PRUNE2: variants seen among roughly 807,000 people sequenced by gnomAD.
The protein encoded by PRUNE2 is protein prune homolog 2.
A neutral mutation model predicts 252.0 loss-of-function variants in PRUNE2; 164 were observed. The observed-to-expected ratio is 0.65, with a 90% CI of 0.57 to 0.74. PRUNE2 has a LOEUF of 0.74. Ranked by LOEUF, PRUNE2 falls within the 30% of genes least tolerant of loss-of-function variation. The pLI is 0.00. For missense variants in PRUNE2, 3,495 were observed against 3,711.0 expected (o/e 0.94, Z 1.51); for synonymous variants, 1,292 against 1,350.2 (o/e 0.96, Z 0.94).
chr9:76,794,697 C>T (rs2055911927), intron 6 of PRUNE2, among the ~76,000 whole-genome samples: 1 of 151,598 alleles, frequency 6.6e-6, no homozygotes, highest in Non-Finnish European at 1.5e-5. Context: ...GGAAAGAAAG[C>T]TTAGTTTCTT....
intron 18 of PRUNE2, among the ~76,000 whole-genome samples, chr9:76,617,498 C>G (rs1830267989): frequency 6.7e-6 from 1 of 149,670 alleles, no homozygotes; most frequent in South Asian, 2.1e-4. Flanking sequence ...GCCAGAAATC[C>G]AGGACTGGAA....
At chr9:76,774,848 G>T (rs555204135) in intron 6 of PRUNE2, among the ~76,000 whole-genome samples, 15 of 152,294 alleles carry the variant, frequency 9.8e-5, no homozygotes, top group South Asian at 2.1e-4. Flanking sequence ...GTAGTGAAAA[G>T]ATTGTAGATT....
intron 6 of PRUNE2, among the ~76,000 whole-genome samples, chr9:76,794,708 C>T (rs1455394748): frequency 6.6e-6 from 1 of 151,964 alleles, no homozygotes; most frequent in Non-Finnish European, 1.5e-5. Context: ...TTAGTTTCTT[C>T]ACCATTTAGT....
At chr9:76,652,762 G>A in intron 10 of PRUNE2, 79 bp from the exon 11 acceptor site, 1 of 1,030,982 alleles carries the variant, frequency 9.7e-7, no homozygotes, top group Non-Finnish European at 1.5e-6. Flanking sequence ...AATCCCAAAT[G>A]CTCCAAAATC....
intron 7 of PRUNE2, among the ~76,000 whole-genome samples, chr9:76,712,039 T>G (rs866543559): frequency 1.3e-5 from 2 of 152,156 alleles, no homozygotes; most frequent in Non-Finnish European, 2.9e-5. Flanking sequence ...TATTTTGTTG[T>G]GCTGGGCCTT....
chr9:76,644,940 A>T, intron 11 of PRUNE2, 31 bp from the exon 12 acceptor site: 1 of 1,599,164 alleles, frequency 6.3e-7, no homozygotes, highest in South Asian at 1.1e-5. Flanking sequence ...AGCAAGGCTG[A>T]AGGAGCAAGA....
In PRUNE2 at chr9:76,614,466, A is replaced by T; in HGVS notation, c.*104T>A. On this transcript the variant is annotated 3_prime_UTR_variant, in exon 19 of 19. Transcript: ENST00000376718. ...TTAGAAATTTAGAATGGCACCAGGT[A>T]GTGCAAAGTGGAAAAAGGTAACATC... 2 of 871,806 alleles carry T rather than the reference A, an allele frequency of 2.3e-6. No individual in the cohort carries two copies. Among genetic ancestry groups the T allele is most frequent in the Non-Finnish European group, 3.8e-6 (2 of 524,352 alleles). 54.0% of individuals were successfully genotyped at this position (871,806 alleles called of 1,614,324 possible). A position where few individuals can be genotyped will look rare whatever the true frequency, so the allele number is the denominator to read the frequency against.
chr9:76,830,161 AT>A (rs2058586549), intron 4 of PRUNE2, among the ~76,000 whole-genome samples: 1 of 152,230 alleles, frequency 6.6e-6, no homozygotes. Flanking sequence ...GAAAACAACC[AT>A]ACTGAAGCAT....
In PRUNE2 at chr9:76,709,420, A is replaced by T. The variant is rs2046550052; in HGVS notation, c.2854T>A (p.Ser952Thr). 2.5e-6 allele frequency: 4 copies of T among 1,613,860 alleles called. No individual in the cohort carries two copies. Among genetic ancestry groups the T allele is most frequent in the Non-Finnish European group, 3.4e-6 (4 of 1,179,878 alleles). The change falls in exon 8 of 19, where the codon TCC (serine) becomes ACC (threonine). Residue 952 changes from serine to threonine, a missense_variant. Coordinates refer to ENST00000376718, the MANE Select transcript of PRUNE2 (RefSeq NM_015225.3). ...GGCACCGAATCTTCTCCTAGGTTGG[A>T]TGCACTGTAATCAGAACATTTGTAA... The part of the protein sequence containing the change: ...LSYKCSDYSA[S>T]NLGEDSVPSP...
At chr9:76,835,492 C>T (rs2058909001) in intron 4 of PRUNE2, among the ~76,000 whole-genome samples, 1 of 152,086 alleles carries the variant, frequency 6.6e-6, no homozygotes, top group Non-Finnish European at 1.5e-5. Flanking sequence ...CTACTATTTT[C>T]ATAACTTTAA....
At chr9:76,777,733 A>G (rs2053953254) in intron 6 of PRUNE2, among the ~76,000 whole-genome samples, 1 of 152,224 alleles carries the variant, frequency 6.6e-6, no homozygotes, top group African/African-American at 2.4e-5. Context: ...AAAATCAAAC[A>G]GGATAAGGTG....
At chr9:76,874,852 G>A (rs1446793636) in intron 1 of PRUNE2, among the ~76,000 whole-genome samples, 1 of 152,198 alleles carries the variant, frequency 6.6e-6, no homozygotes, top group East Asian at 1.9e-4. Flanking sequence ...AAAGTGGGCT[G>A]AGGTAGTGCT....
chr9:76,806,982 C>G (rs2056989394), intron 6 of PRUNE2, among the ~76,000 whole-genome samples: 1 of 151,452 alleles, frequency 6.6e-6, no homozygotes, highest in Non-Finnish European at 1.5e-5. Flanking sequence ...AGACTCCAAC[C>G]CAAGTAGATT....
At chr9:76,826,883 C>T (rs1050301119) in intron 4 of PRUNE2, 151 bp from the exon 5 acceptor site, 2 of 580,038 alleles carry the variant, frequency 3.4e-6, no homozygotes. Context: ...ATTCAAGAGC[C>T]AATTTTTAGA....
intron 9 of PRUNE2, among the ~76,000 whole-genome samples, chr9:76,684,719 G>T (rs931464084): frequency 6.6e-6 from 1 of 152,144 alleles, no homozygotes; most frequent in Admixed American, 6.5e-5. Flanking sequence ...ATCTACCCTG[G>T]TGGGGGTCAA....
rs142071361 is a variant in PRUNE2, at chr9:76,746,026, T to A, written c.757-32305A>T. On this transcript the variant is annotated intron_variant, in intron 6 of 18. Coordinates refer to ENST00000376718, the MANE Select transcript of PRUNE2 (RefSeq NM_015225.3). ...CTTTTCTCTGATGATGAGACTTTGC[T>A]ATGTGCATCTAGAGCTGCTGACAGT... 3.2e-4 allele frequency among the ~76,000 whole-genome samples: 48 copies of A among 152,304 alleles called. No homozygotes were observed. In the East Asian group the frequency reaches 8.5e-3, roughly 27 times the overall value.
intron 9 of PRUNE2, among the ~76,000 whole-genome samples, chr9:76,686,581 A>G (rs2044115726): frequency 6.6e-6 from 1 of 152,104 alleles, no homozygotes; most frequent in African/African-American, 2.4e-5. Flanking sequence ...ACAGTCTCCA[A>G]GTAGTTGGGA....
intron 14 of PRUNE2, 28 bp downstream of exon 14, chr9:76,637,390 T>C (rs780020296): frequency 3.1e-6 from 5 of 1,611,002 alleles, no homozygotes; most frequent in East Asian, 2.2e-5. Context: ...AAAATCAAAA[T>C]AGTGATTAAA....
At chr9:76,833,788 T>C (rs189766005) in intron 4 of PRUNE2, among the ~76,000 whole-genome samples, 2 of 147,742 alleles carry the variant, frequency 1.4e-5, no homozygotes, top group Non-Finnish European at 3.0e-5. Flanking sequence ...ATAAAAAATT[T>C]AAAAAAAAAT....
Sources: gnomAD v4.1 joint callset for allele counts (sites outside exome capture counted in the v4.1 genomes callset) on GRCh38, gnomAD v4.1.1 for gene constraint, MANE v1.5 for transcripts, NCBI Gene and HGNC (gene_info 2026-07-23, HGNC 2026-07-21) for gene names.